NALCN: variants seen among roughly 807,000 people sequenced by gnomAD.
NALCN encodes sodium leak channel, non-selective.
A neutral mutation model predicts 225.3 loss-of-function variants in NALCN; 111 were observed. The observed-to-expected ratio is 0.49, with a 90% CI of 0.42 to 0.58. NALCN has a LOEUF of 0.58. NALCN is among the 20% of genes least tolerant of loss of function. NALCN has a pLI of 0.00. For synonymous variants in NALCN, 764 were observed against 769.0 expected (o/e 0.99, Z 0.11); for missense variants, 1,378 against 2,202.4 (o/e 0.63, Z 7.49).
At chr13:101,285,125 A>T (rs1453602274) in intron 9 of NALCN, among the ~76,000 whole-genome samples, 1 of 152,128 alleles carries the variant, frequency 6.6e-6, no homozygotes, top group Non-Finnish European at 1.5e-5. Flanking sequence ...TGCTGATGGA[A>T]ATACGAATGA....
At chr13:101,376,593 A>T in intron 6 of NALCN, 107 bp downstream of exon 6, 1 of 1,074,048 alleles carries the variant, frequency 9.3e-7, no homozygotes, top group Non-Finnish European at 1.3e-6. Flanking sequence ...AACAAAGAGG[A>T]CATAAGCACT....
intron 43 of NALCN, among the ~76,000 whole-genome samples, chr13:101,056,715 G>A (rs888774789): frequency 5.3e-5 from 8 of 152,090 alleles, no homozygotes; most frequent in Non-Finnish European, 1.2e-4. Flanking sequence ...TCACACCACG[G>A]TAACTTCCTC....
intron 14 of NALCN, among the ~76,000 whole-genome samples, chr13:101,191,663 G>C (rs1416911869): frequency 1.3e-5 from 2 of 152,174 alleles, no homozygotes; most frequent in Non-Finnish European, 2.9e-5. Flanking sequence ...GTAAATGTGA[G>C]ATTTTCATTT....
chr13:101,361,586 G>C (rs2046253294), intron 6 of NALCN, among the ~76,000 whole-genome samples: 1 of 152,190 alleles, frequency 6.6e-6, no homozygotes, highest in Admixed American at 6.5e-5. Flanking sequence ...GGGAGAAATG[G>C]GTCTAGTCTT....
chr13:101,187,207 T>C (rs914581537), intron 14 of NALCN, among the ~76,000 whole-genome samples: 1 of 152,236 alleles, frequency 6.6e-6, no homozygotes, highest in Non-Finnish European at 1.5e-5. Context: ...ATAACTGTTC[T>C]ATTTTGTTAT....
In NALCN at chr13:101,192,073, A is replaced by C; in HGVS notation, c.1627-19T>G. 6.3e-7 allele frequency: 1 copy of C among 1,590,454 alleles called. No individual in the cohort carries two copies. The highest frequency in any genetic ancestry group is 8.5e-7 in the Non-Finnish European group (1 of 1,173,938). ...TAAATGCCTAAGAGGAAAAGAACAA[A>C]GGTATTACACACTAGCTTTAGGCTT... On this transcript the variant is annotated intron_variant, in intron 13 of 43. Transcript: ENST00000251127.
rs12586072 is a variant in NALCN, at chr13:101,062,546, T to C, written c.4605-428A>G. ...CTGTGCGTCACACATCCCTACTCCC[T>C]GCATCCCACTTCCCTCTCTGTTTCT... On this transcript the variant is annotated intron_variant, in intron 40 of 43. Coordinates refer to ENST00000251127, the MANE Select transcript of NALCN (RefSeq NM_052867.4). Among the ~76,000 whole-genome samples, 1,365 of 152,270 alleles carry C rather than the reference T, an allele frequency of 9.0e-3. 31 individuals are homozygous for C. The highest frequency in any genetic ancestry group is 0.088 in the East Asian group (457 of 5,176).
intron 10 of NALCN, among the ~76,000 whole-genome samples, chr13:101,277,598 T>C (rs1474626899): frequency 6.6e-6 from 1 of 152,214 alleles, no homozygotes; most frequent in East Asian, 1.9e-4. Flanking sequence ...AATACTAGGT[T>C]CATTTCTCAT....
intron 3 of NALCN, among the ~76,000 whole-genome samples, chr13:101,380,415 T>C (rs1432960706): frequency 6.6e-6 from 1 of 152,176 alleles, no homozygotes; most frequent in African/African-American, 2.4e-5. Context: ...AAAATGCCTT[T>C]GGAATAATAA....
At chr13:101,073,714 A>G (rs1464975099) in intron 36 of NALCN, 37 bp from the exon 37 acceptor site, 1 of 1,544,438 alleles carries the variant, frequency 6.5e-7, no homozygotes, top group Non-Finnish European at 8.9e-7. Flanking sequence ...AATGTGAATT[A>G]TAGAAGGGTT....
intron 18 of NALCN, 113 bp downstream of exon 18, chr13:101,124,495 G>C: frequency 1.1e-6 from 1 of 889,852 alleles, no homozygotes; most frequent in Non-Finnish European, 1.7e-6. Flanking sequence ...GCTACTTTCT[G>C]GCAGAAAGTA....
intron 26 of NALCN, among the ~76,000 whole-genome samples, chr13:101,102,968 G>A (rs1166948861): frequency 6.6e-6 from 1 of 152,172 alleles, no homozygotes; most frequent in East Asian, 1.9e-4. Context: ...CTTCTCTTTA[G>A]GTGAATTAAA....
intron 14 of NALCN, among the ~76,000 whole-genome samples, chr13:101,182,994 G>T (rs1253844566): frequency 6.6e-6 from 1 of 152,218 alleles, no homozygotes; most frequent in Non-Finnish European, 1.5e-5. Context: ...GATTTGGACT[G>T]AAAGAGCAGG....
chr13:101,141,107 C>G (rs1281100860), intron 17 of NALCN, among the ~76,000 whole-genome samples: 3 of 152,016 alleles, frequency 2.0e-5, no homozygotes, highest in Non-Finnish European at 4.4e-5. Context: ...GAAGACCAAG[C>G]ACAGAACAAA....
At chr13:101,208,369 G>C (rs145289813) in intron 13 of NALCN, among the ~76,000 whole-genome samples, 5 of 151,800 alleles carry the variant, frequency 3.3e-5, no homozygotes, top group Admixed American at 3.3e-4. Context: ...ACAAACTCTA[G>C]ACACACCATC....
chr13:101,317,319 C>T (rs1254797329), intron 7 of NALCN, among the ~76,000 whole-genome samples: 1 of 152,172 alleles, frequency 6.6e-6, no homozygotes, highest in Non-Finnish European at 1.5e-5. Flanking sequence ...GAAGGCAAGA[C>T]ATTTTACTCA....
intron 17 of NALCN, among the ~76,000 whole-genome samples, chr13:101,136,904 T>C (rs1268435331): frequency 1.3e-5 from 2 of 152,206 alleles, no homozygotes; most frequent in Non-Finnish European, 2.9e-5. Context: ...GTTGAACTAG[T>C]TTACGGTCCC....
rs780635672 is a variant in NALCN, at chr13:101,074,535, T to G, written c.4082A>C (p.Lys1361Thr). The G allele has an allele frequency of 6.2e-7, 1 of 1,610,840 alleles. No individual in the cohort carries two copies. Among genetic ancestry groups the G allele is most frequent in the African/African-American group, 1.3e-5 (1 of 74,766 alleles). ...FAGVVLFGTV[K>T]YGENINRHAN... ...CAACCTGTTAATATTCTCCCCATAT[T>G]TCACAGTACCAAATAAAACAACTCC... Residue 1361 changes from lysine to threonine, a missense_variant, in exon 36 of 44, where the codon AAA becomes ACA. Lys to Thr is a moderately conservative substitution (Grantham distance 78). Coordinates refer to ENST00000251127, the MANE Select transcript of NALCN (RefSeq NM_052867.4).
chr13:101,127,547 G>A (rs956912034), intron 17 of NALCN, among the ~76,000 whole-genome samples: 4 of 152,076 alleles, frequency 2.6e-5, no homozygotes, highest in East Asian at 3.9e-4. Context: ...TAGTAGAGAC[G>A]AGGTTTCACC....
Sources: gnomAD v4.1 joint callset for allele counts (sites outside exome capture counted in the v4.1 genomes callset) on GRCh38, gnomAD v4.1.1 for gene constraint, MANE v1.5 for transcripts, NCBI Gene and HGNC (gene_info 2026-07-23, HGNC 2026-07-21) for gene names.